Variants in HPSE2 observed in about 807,000 individuals in gnomAD.
HPSE2 encodes inactive heparanase-2.
HPSE2 carries 38 observed loss-of-function variants against 60.5 expected under a neutral mutation model. The ratio of observed to expected loss-of-function variants is 0.63; its 90% confidence interval spans 0.48 to 0.82. The LOEUF (loss-of-function observed/expected upper bound fraction) is 0.82, where lower values mean the gene tolerates loss of function less well. Ranked by LOEUF, HPSE2 falls within the 40% of genes least tolerant of loss-of-function variation. HPSE2 has a pLI of 0.00. For missense variants in HPSE2, 713 were observed against 740.4 expected (o/e 0.96, Z 0.43); for synonymous variants, 295 against 293.2 (o/e 1.01, Z -0.06).
chr10:99,305,969 G>GTGCACACA, the HPSE2 span, among the ~76,000 whole-genome samples: 2 of 50,918 alleles, frequency 3.9e-5, no homozygotes, highest in Non-Finnish European at 7.9e-5. Context: ...ACACGCGCGC[G>GTGCACACA]CGCGCGCGCG....
At chr10:98,558,866 T>C (rs574819642) in intron 9 of HPSE2, among the ~76,000 whole-genome samples, 2 of 152,204 alleles carry the variant, frequency 1.3e-5, no homozygotes, top group Non-Finnish European at 2.9e-5. Flanking sequence ...TGAAGATCTG[T>C]TCATAGTGGC....
chr10:98,748,781 A>G (rs968789058), intron 3 of HPSE2, among the ~76,000 whole-genome samples: 2 of 152,152 alleles, frequency 1.3e-5, no homozygotes, highest in African/African-American at 4.8e-5. Context: ...AGAAGAACCC[A>G]GATATGCAGT....
At chr10:99,101,264 C>A (rs970126900) in intron 3 of HPSE2, among the ~76,000 whole-genome samples, 1 of 152,126 alleles carries the variant, frequency 6.6e-6, no homozygotes, top group Non-Finnish European at 1.5e-5. Context: ...CAAAGACACA[C>A]ATAGGCTCAA....
intron 3 of HPSE2, among the ~76,000 whole-genome samples, chr10:98,789,573 C>T (rs565617551): frequency 6.6e-6 from 1 of 152,270 alleles, no homozygotes; most frequent in African/African-American, 2.4e-5. Context: ...AATAGTTGGA[C>T]CTTTATAGCC....
the HPSE2 span, among the ~76,000 whole-genome samples, chr10:99,260,431 A>G: frequency 1.3e-5 from 2 of 152,132 alleles, no homozygotes; most frequent in Admixed American, 1.3e-4. Flanking sequence ...TCAGGTCCTC[A>G]GACCACCAGC....
At chr10:98,943,115 T>A (rs959536187) in intron 3 of HPSE2, among the ~76,000 whole-genome samples, 1 of 148,568 alleles carries the variant, frequency 6.7e-6, no homozygotes, top group East Asian at 2.1e-4. Flanking sequence ...TGGCATTAGG[T>A]GATATACCTA....
At chr10:98,459,962 T>A (rs1159332488) in intron 11 of HPSE2, among the ~76,000 whole-genome samples, 1 of 152,122 alleles carries the variant, frequency 6.6e-6, no homozygotes, top group Non-Finnish European at 1.5e-5. Flanking sequence ...ACTATTAATA[T>A]CATTATCCCC....
chr10:99,108,640 C>A (rs1345157973), intron 3 of HPSE2, among the ~76,000 whole-genome samples: 1 of 152,106 alleles, frequency 6.6e-6, no homozygotes, highest in African/African-American at 2.4e-5. Flanking sequence ...CAATAGCCAT[C>A]AAAAATAAAA....
Position 98,459,246 on chromosome 10 carries a change from A to G in HPSE2, c.*328T>C, listed in dbSNP as rs1236612213. On this transcript the variant is annotated 3_prime_UTR_variant, in exon 12 of 12. Transcript: ENST00000370552. ...AATGCTGTGTGACAGGATCATGGGG[A>G]GTTGTCTGGAAACATTTCTCCTGGG... The G allele has an allele frequency of 2.7e-6, 1 of 369,424 alleles. No individual in the cohort carries two copies. The highest frequency in any genetic ancestry group is 2.1e-5 in the African/African-American group (1 of 47,820). 22.9% of individuals were successfully genotyped at this position (369,424 alleles called of 1,614,324 possible). A position where few individuals can be genotyped will look rare whatever the true frequency, so the allele number is the denominator to read the frequency against.
intron 3 of HPSE2, among the ~76,000 whole-genome samples, chr10:98,859,865 C>T (rs1299784798): frequency 6.6e-6 from 1 of 152,074 alleles, no homozygotes; most frequent in Non-Finnish European, 1.5e-5. Context: ...TTCAGTTGCC[C>T]TCAGTCAATT....
chr10:99,180,998 G>GGT (rs1847745539), intron 2 of HPSE2, among the ~76,000 whole-genome samples: 1 of 151,676 alleles, frequency 6.6e-6, no homozygotes, highest in Non-Finnish European at 1.5e-5. Flanking sequence ...CAACCATTGT[G>GGT]GAAGACAGTG....
At chr10:98,722,909 A>G (rs981015227) in intron 4 of HPSE2, among the ~76,000 whole-genome samples, 9 of 152,194 alleles carry the variant, frequency 5.9e-5, no homozygotes, top group African/African-American at 2.2e-4. Flanking sequence ...GTCATCTGCA[A>G]ACAGGGACAA....
intron 2 of HPSE2, among the ~76,000 whole-genome samples, chr10:99,210,472 G>T (rs1848918675): frequency 1.3e-5 from 2 of 152,144 alleles, no homozygotes; most frequent in African/African-American, 4.8e-5. Context: ...TACAAGAAAA[G>T]ATAATTATGG....
At chr10:99,017,515 G>C (rs182935001) in intron 3 of HPSE2, among the ~76,000 whole-genome samples, 66 of 152,202 alleles carry the variant, frequency 4.3e-4, no homozygotes, top group Non-Finnish European at 7.8e-4. Flanking sequence ...GCCAGGTTTT[G>C]GTATTAGGAT....
intron 9 of HPSE2, among the ~76,000 whole-genome samples, chr10:98,544,628 G>C (rs1352826819): frequency 3.4e-5 from 5 of 148,122 alleles, no homozygotes; most frequent in Non-Finnish European, 5.9e-5. Context: ...CAGGAGAATG[G>C]CGTGAACCCA....
intron 2 of HPSE2, among the ~76,000 whole-genome samples, chr10:99,152,157 A>G (rs1846293752): frequency 6.6e-6 from 1 of 151,994 alleles, no homozygotes; most frequent in Admixed American, 6.6e-5. Context: ...TAAAAATACA[A>G]AAAATTAGCC....
chr10:99,079,632 T>C lies in HPSE2; in HGVS notation c.610+64606A>G, dbSNP rs144928257. 3.2e-4 allele frequency among the ~76,000 whole-genome samples: 49 copies of C among 152,172 alleles called. 1 individual carries two copies. The highest frequency in any genetic ancestry group is 3.4e-3 in the Middle Eastern group (1 of 294). The stretch of plus-strand genomic sequence containing the variant: ...GGCTGCTATAATATGCCAGGACCTG[T>C]CAGCATCCCATAACAGGCAAAACAG... On this transcript the variant is annotated intron_variant, in intron 3 of 11. Transcript: ENST00000370552.
chr10:99,007,695 T>C (rs550478706), intron 3 of HPSE2, among the ~76,000 whole-genome samples: 142 of 152,336 alleles, frequency 9.3e-4, no homozygotes, highest in African/African-American at 3.2e-3. Flanking sequence ...GAATCCAGTC[T>C]AATTGCCATA....
chr10:99,003,967 T>A (rs1034631915), intron 3 of HPSE2, among the ~76,000 whole-genome samples: 2 of 152,134 alleles, frequency 1.3e-5, no homozygotes, highest in African/African-American at 4.8e-5. Context: ...GATTTTTGTA[T>A]ATGTTGTGAG....
Sources: allele counts gnomAD v4.1 joint callset (sites outside exome capture counted in the v4.1 genomes callset), GRCh38; gene constraint gnomAD v4.1.1; transcripts MANE v1.5; gene names NCBI Gene and HGNC (gene_info 2026-07-23, HGNC 2026-07-21).